PCNT: variants seen among roughly 807,000 people sequenced by gnomAD.
PCNT encodes pericentrin.
PCNT carries 319 observed loss-of-function variants against 380.4 expected under a neutral mutation model. The observed-to-expected ratio is 0.84, with a 90% CI of 0.77 to 0.92. The LOEUF (loss-of-function observed/expected upper bound fraction) is 0.92, where lower values mean the gene tolerates loss of function less well. Among genes scored for constraint, PCNT ranks in the 40% least tolerant of loss-of-function variants. PCNT has a pLI of 0.00. For missense variants in PCNT, 4,400 were observed against 4,255.3 expected (o/e 1.03, Z -0.95); for synonymous variants, 1,845 against 1,735.2 (o/e 1.06, Z -1.57).
rs764888751 is a variant in PCNT at position 46,416,467 on chromosome 21, A to G, written c.6549A>G (p.Ser2183=). The change falls in exon 30 of 47, where the codon TCA becomes TCG. Residue 2183 remains serine, a synonymous_variant. Coordinates refer to ENST00000359568, the MANE Select transcript of PCNT (RefSeq NM_006031.6). ...EMPDSPIQEK[S]ECQDMSLSSP... is the part of the protein sequence containing the mutation. ...CAGATTCTCCCATTCAAGAAAAATC[A>G]GAATGTCAGGACATGTCTCTTTCTT... The G allele has an allele frequency of 4.0e-5, 65 of 1,614,208 alleles. No homozygotes were observed. Among genetic ancestry groups the G allele is most frequent in the Non-Finnish European group, 5.3e-5 (62 of 1,180,038 alleles).
chr21:46,334,101 A>C (rs558630210), intron 2 of PCNT, among the ~76,000 whole-genome samples: 1 of 151,008 alleles, frequency 6.6e-6, no homozygotes, highest in African/African-American at 2.4e-5. Context: ...GCTACTAGGG[A>C]GGCTGAGGCA....
chr21:46,326,570 G>A lies in PCNT; in HGVS notation c.248G>A (p.Gly83Glu), dbSNP rs1213447125. 2 of 1,613,952 alleles carry A rather than the reference G, an allele frequency of 1.2e-6. No homozygotes were observed. Among genetic ancestry groups the A allele is most frequent in the South Asian group, 1.1e-5 (1 of 91,078 alleles). Residue 83 changes from glycine to glutamate, a missense_variant, in exon 2 of 47, where the codon GGA becomes GAA. Gly to Glu is a moderately conservative substitution (Grantham distance 98, BLOSUM62 -2). Transcript: ENST00000359568. ...TGTGACGACACCCCTGATGGGGCAG[G>A]AGGGGCCTTTGCAGCTCAGGTAGAT... ...TSCDDTPDGAGGAFAAQPEDC... is the reference protein window; with the variant it reads ...TSCDDTPDGAEGAFAAQPEDC...
chr21:46,353,056 T>C (rs1189686405), intron 9 of PCNT, 48 bp from the exon 10 acceptor site: 3 of 1,498,558 alleles, frequency 2.0e-6, no homozygotes, highest in Non-Finnish European at 2.8e-6. Context: ...CCTGGCTTGT[T>C]GTGGGTGTCC....
Position 46,370,394 on chromosome 21 carries a change from G to A in PCNT, c.3165+3255G>A, listed in dbSNP as rs1327330630. ...GGAGGCGATTCAGAGCCTGGGAGGT[G>A]CGGGGGTCGGGGAGGCTGGGGCTCA... On this transcript the variant is annotated intron_variant, in intron 15 of 46. Coordinates refer to ENST00000359568, the MANE Select transcript of PCNT (RefSeq NM_006031.6). Among the ~76,000 whole-genome samples the A allele has an allele frequency of 2.6e-5, 4 of 151,998 alleles. No individual in the cohort carries two copies. The South Asian group carries it at 8.3e-4, about 32-fold the overall frequency.
At chr21:46,333,818 C>T (rs1601756402) in intron 2 of PCNT, among the ~76,000 whole-genome samples, 3 of 141,000 alleles carry the variant, frequency 2.1e-5, no homozygotes, top group African/African-American at 8.0e-5. Context: ...AGCCTGGCAA[C>T]AGAGCAAGAC....
At chr21:46,349,903 G>A in intron 8 of PCNT, 83 bp downstream of exon 8, 1 of 1,307,500 alleles carries the variant, frequency 7.6e-7, no homozygotes, top group African/African-American at 1.5e-5. Context: ...TTCGTATTGT[G>A]TTATTTGCTA....
chr21:46,359,480 G>GTTGTTTTTTTTTTTTTTTTTTTTT (rs2084609442), intron 13 of PCNT, among the ~76,000 whole-genome samples: 2 of 65,732 alleles, frequency 3.0e-5, no homozygotes, highest in Non-Finnish European at 6.8e-5. Flanking sequence ...AAATACACCT[G>GTTGTTTTTTTTTTTTTTTTTTTTT]TTTTTTTTTT....
chr21:46,412,752 C>T, intron 28 of PCNT, 85 bp from the exon 29 acceptor site: 1 of 1,445,378 alleles, frequency 6.9e-7, no homozygotes, highest in Non-Finnish European at 9.6e-7. Context: ...GGCTGCCGTA[C>T]TGGTTCCCAG....
At chr21:46,410,113 C>T (rs966267485) in intron 27 of PCNT, among the ~76,000 whole-genome samples, 3 of 152,262 alleles carry the variant, frequency 2.0e-5, no homozygotes, top group Non-Finnish European at 2.9e-5. Flanking sequence ...ACAGAGACAA[C>T]GGCCGGTGCC....
At chr21:46,378,038 A>G (rs534452819) in intron 15 of PCNT, among the ~76,000 whole-genome samples, 1 of 152,208 alleles carries the variant, frequency 6.6e-6, no homozygotes, top group Non-Finnish European at 1.5e-5. Context: ...AGCATGTGTC[A>G]ATACTTGCTT....
rs1430580831 is a variant in PCNT at position 46,412,824 on chromosome 21, C to T, written c.5995-13C>T. On this transcript the variant is annotated splice_polypyrimidine_tract_variant and intron_variant, in intron 28 of 46. Transcript: ENST00000359568. ...TCCTGCATGCTCAGCTTTCCTCTGT[C>T]TCCTCTGTCAAGGGTGATCTGCAGC... The T allele has an allele frequency of 1.2e-6, 2 of 1,609,764 alleles. No individual in the cohort carries two copies. The highest frequency in any genetic ancestry group is 2.2e-5 in the South Asian group (2 of 91,070).
chr21:46,398,190 T>C, intron 23 of PCNT, 45 bp from the exon 24 acceptor site: 1 of 1,607,108 alleles, frequency 6.2e-7, no homozygotes, highest in Non-Finnish European at 8.5e-7. Flanking sequence ...TTTTAAGCTT[T>C]AACTTTCTTT....
At chr21:46,356,860 C>CA in intron 12 of PCNT, 114 bp from the exon 13 acceptor site, 1 of 857,874 alleles carries the variant, frequency 1.2e-6, no homozygotes, top group Non-Finnish European at 1.9e-6. Flanking sequence ...CTTGAAAATC[C>CA]ACAGTGTCTG....
chr21:46,445,576 A>C lies in PCNT; in HGVS notation c.*249A>C. The C allele has an allele frequency of 1.8e-6, 1 of 551,520 alleles. No homozygotes were observed. The highest frequency in any genetic ancestry group is 3.2e-6 in the Non-Finnish European group (1 of 308,572). 34.2% of individuals were successfully genotyped at this position (551,520 alleles called of 1,614,324 possible). A position where few individuals can be genotyped will look rare whatever the true frequency, so the allele number is the denominator to read the frequency against. On this transcript the variant is annotated 3_prime_UTR_variant, in exon 47 of 47. Coordinates refer to ENST00000359568, the MANE Select transcript of PCNT (RefSeq NM_006031.6). The stretch of plus-strand genomic sequence containing the variant: ...CGTGAGGTGACGGGCACTCACTCCC[A>C]TGAGCCCTGGCTGTGTGCTGTTGTG...
At chr21:46,372,545 G>T (rs2085187357) in intron 15 of PCNT, among the ~76,000 whole-genome samples, 1 of 152,236 alleles carries the variant, frequency 6.6e-6, no homozygotes. Context: ...GAGCACTTCA[G>T]AAATAATTGA....
chr21:46,330,198 G>A (rs933454828), intron 2 of PCNT, among the ~76,000 whole-genome samples: 1 of 151,778 alleles, frequency 6.6e-6, no homozygotes, highest in African/African-American at 2.4e-5. Flanking sequence ...GCTCATTCCA[G>A]CCTTGACCTC....
At chr21:46,405,895 T>G (rs1270329623) in intron 27 of PCNT, among the ~76,000 whole-genome samples, 1 of 152,238 alleles carries the variant, frequency 6.6e-6, no homozygotes, top group Non-Finnish European at 1.5e-5. Context: ...CAATATTTTC[T>G]TGTGGGATTT....
At chr21:46,351,846 G>C (rs1372859461) in intron 9 of PCNT, among the ~76,000 whole-genome samples, 1 of 152,200 alleles carries the variant, frequency 6.6e-6, no homozygotes, top group Non-Finnish European at 1.5e-5. Flanking sequence ...GGTGCTGAGC[G>C]TTTGCCTCGG....
At chr21:46,340,450 C>G (rs2083882111) in intron 3 of PCNT, among the ~76,000 whole-genome samples, 1 of 152,204 alleles carries the variant, frequency 6.6e-6, no homozygotes, top group Non-Finnish European at 1.5e-5. Context: ...TTTTTCTAAA[C>G]CTCTGTTCAT....
Sources: allele counts gnomAD v4.1 joint callset (sites outside exome capture counted in the v4.1 genomes callset), GRCh38; gene constraint gnomAD v4.1.1; transcripts MANE v1.5; gene names NCBI Gene and HGNC (gene_info 2026-07-23, HGNC 2026-07-21).